The following CARF variants were observed in gnomAD, a reference collection of about 807,000 sequenced individuals.
CARF encodes calcium-responsive transcription factor.
In CARF, 57 loss-of-function variants were observed where a neutral mutation model predicts 82.0. The ratio of observed to expected loss-of-function variants is 0.70; its 90% confidence interval spans 0.56 to 0.87. The LOEUF (loss-of-function observed/expected upper bound fraction) is 0.87. Ranked by LOEUF, CARF falls within the 40% of genes least tolerant of loss-of-function variation. The pLI is 0.00. For synonymous variants in CARF, 268 were observed against 290.1 expected (o/e 0.92, Z 0.77); for missense variants, 771 against 855.8 (o/e 0.90, Z 1.24).
In CARF at chr2:202,982,251, C is replaced by T; in HGVS notation, c.1869C>T (p.Thr623=). 7 of 1,614,014 alleles carry T rather than the reference C, an allele frequency of 4.3e-6. No homozygotes were observed. Among genetic ancestry groups the T allele is most frequent in the Non-Finnish European group, 5.9e-6 (7 of 1,180,008 alleles). The change falls in exon 16 of 17, where the codon ACC becomes ACT. Residue 623 remains threonine, a synonymous_variant. Transcript: ENST00000438828. ...GCCTTCAAAGAGATACATGCTTAACCCAAAACAATAGTACTGCCTCCACCA... is the reference window on the plus strand; with the variant it reads ...GCCTTCAAAGAGATACATGCTTAACTCAAAACAATAGTACTGCCTCCACCA... ...SHSLQRDTCL[T]QNNSTASTMG... is the part of the protein sequence containing the mutation.
chr2:202,983,543 A>G lies in CARF; in HGVS notation c.2097A>G (p.Gln699=). The G allele has an allele frequency of 6.2e-7, 1 of 1,611,564 alleles. No individual in the cohort carries two copies. The highest frequency in any genetic ancestry group is 1.7e-5 in the Admixed American group (1 of 59,592). Residue 699 remains glutamine, a synonymous_variant, in exon 17 of 17, where the codon CAA becomes CAG. Coordinates refer to ENST00000438828, the MANE Select transcript of CARF (RefSeq NM_024744.17). ...CAGAAAGTACCATTTCTGTGAGCCA[A>G]GTTAAACAAGAACCCAAAGAACCAG... The part of the protein sequence containing the change: ...ENPESTISVS[Q]VKQEPKEPAL...
intron 8 of CARF, among the ~76,000 whole-genome samples, chr2:202,958,232 T>C (rs2059139589): frequency 6.8e-6 from 1 of 147,798 alleles, no homozygotes; most frequent in Admixed American, 6.9e-5. Flanking sequence ...GTAGAGTACA[T>C]GTATGTATAT....
intron 3 of CARF, among the ~76,000 whole-genome samples, chr2:202,940,689 C>T (rs2058187035): frequency 1.3e-5 from 2 of 152,110 alleles, no homozygotes; most frequent in Non-Finnish European, 1.5e-5. Flanking sequence ...TTTAAGTTTT[C>T]CTCCCCTACC....
intron 1 of CARF, among the ~76,000 whole-genome samples, chr2:202,914,767 G>GA (rs1689279070): frequency 1.1e-5 from 1 of 88,300 alleles, no homozygotes; most frequent in South Asian, 3.7e-4. Context: ...CAAAAAGAGT[G>GA]AAACTCCATC....
intron 3 of CARF, among the ~76,000 whole-genome samples, chr2:202,926,261 G>A (rs1316375948): frequency 6.6e-6 from 1 of 152,076 alleles, no homozygotes; most frequent in African/African-American, 2.4e-5. Context: ...CTAGACGACC[G>A]CCTCTTTTTC....
intron 5 of CARF, among the ~76,000 whole-genome samples, chr2:202,946,487 C>T (rs539526040): frequency 1.3e-5 from 2 of 152,200 alleles, no homozygotes; most frequent in South Asian, 4.1e-4. Flanking sequence ...ACACCTTATA[C>T]AAAAAATTAA....
At chr2:202,950,915 C>G (rs1042030538) in intron 5 of CARF, among the ~76,000 whole-genome samples, 22 of 152,122 alleles carry the variant, frequency 1.4e-4, no homozygotes, top group African/African-American at 5.1e-4. Flanking sequence ...AGGAAGGAAA[C>G]AATTCCCATT....
intron 6 of CARF, among the ~76,000 whole-genome samples, chr2:202,953,047 C>T (rs149337428): frequency 6.4e-4 from 98 of 152,088 alleles, no homozygotes; most frequent in African/African-American, 1.8e-3. Context: ...GGCAGAGTCT[C>T]GCTCTATCCC....
In CARF at chr2:202,983,584, C is replaced by CAA; in HGVS notation, c.2145_2146dup (p.Thr716LysfsTer26). On this transcript the variant is annotated frameshift_variant, in exon 17 of 17. Transcript: ENST00000438828. LOFTEE classifies it high-confidence loss of function. ...AAAGAACCAGCATTGTCTATGGAAG[C>CAA]AAAAAAAACTGTGGACTATAAGAAA... 1 of 1,604,814 alleles carries CAA rather than the reference C, an allele frequency of 6.2e-7. No homozygotes were observed. Among genetic ancestry groups the CAA allele is most frequent in the Non-Finnish European group, 8.5e-7 (1 of 1,175,518 alleles).
At chr2:202,955,636 T>G (rs1559238708) in intron 7 of CARF, 38 bp from the exon 8 acceptor site, 1 of 1,467,044 alleles carries the variant, frequency 6.8e-7, no homozygotes, top group East Asian at 2.3e-5. Flanking sequence ...GTGTGTTCAT[T>G]GAACTGCATA....
intron 1 of CARF, among the ~76,000 whole-genome samples, chr2:202,916,698 C>T (rs1478225821): frequency 6.6e-6 from 1 of 152,164 alleles, no homozygotes; most frequent in African/African-American, 2.4e-5. Flanking sequence ...GGATACTCAA[C>T]AACATGGTTG....
intron 13 of CARF, among the ~76,000 whole-genome samples, chr2:202,976,087 A>C (rs12994385): frequency 0.89 from 133,922 of 150,632 alleles, 60,094 homozygotes; most frequent in Non-Finnish European, 0.95. Flanking sequence ...ATCCATCCAT[A>C]CATACATACA....
intron 10 of CARF, 129 bp from the exon 11 acceptor site, chr2:202,969,790 T>C (rs968311830): frequency 3.8e-6 from 2 of 531,248 alleles, no homozygotes; most frequent in African/African-American, 4.0e-5. Flanking sequence ...TACATAAGCC[T>C]CTGAATACTT....
chr2:202,951,267 A>T (rs1415614763), intron 5 of CARF, among the ~76,000 whole-genome samples: 1 of 152,132 alleles, frequency 6.6e-6, no homozygotes, highest in African/African-American at 2.4e-5. Flanking sequence ...CCTGGGTTCA[A>T]GTGATCCTCT....
chr2:202,978,092 C>T (rs945606635), intron 14 of CARF, among the ~76,000 whole-genome samples: 3 of 152,190 alleles, frequency 2.0e-5, no homozygotes. Context: ...GTGATCCACC[C>T]ACCTTGGCCT....
intron 14 of CARF, 50 bp from the exon 15 acceptor site, chr2:202,981,505 T>C (rs1357080873): frequency 4.6e-6 from 6 of 1,301,924 alleles, no homozygotes; most frequent in Non-Finnish European, 4.2e-6. Context: ...TTTTTATGAC[T>C]TCATAGAAGC....
chr2:202,940,532 A>G (rs1218897341), intron 3 of CARF, among the ~76,000 whole-genome samples: 2 of 151,822 alleles, frequency 1.3e-5, no homozygotes, highest in South Asian at 2.1e-4. Context: ...TTGTTAGCTT[A>G]TATTTGATTG....
intron 14 of CARF, among the ~76,000 whole-genome samples, chr2:202,979,683 C>T (rs935144917): frequency 2.0e-5 from 3 of 151,788 alleles, no homozygotes; most frequent in Non-Finnish European, 4.4e-5. Flanking sequence ...CACCTGTAGT[C>T]CCAGCTACTC....
chr2:202,973,687 G>T (rs187471853), intron 12 of CARF: 7 of 238,800 alleles, frequency 2.9e-5, no homozygotes, highest in Admixed American at 1.0e-4. Context: ...GATCATTAAG[G>T]GTTAAAGGAG....
Sources: allele counts gnomAD v4.1 joint callset (sites outside exome capture counted in the v4.1 genomes callset), GRCh38; gene constraint gnomAD v4.1.1; transcripts MANE v1.5; gene names NCBI Gene and HGNC (gene_info 2026-07-23, HGNC 2026-07-21).